The following PPP2R2B variants were observed in gnomAD, a reference collection of about 807,000 sequenced individuals.
PPP2R2B encodes the protein protein phosphatase 2 regulatory subunit Bbeta, also known as serine/threonine-protein phosphatase 2A 55 kDa regulatory subunit B beta isoform.
PPP2R2B carries 5 observed loss-of-function variants against 46.0 expected under a neutral mutation model. The observed-to-expected ratio is 0.11, with a 90% CI of 0.06 to 0.23. The LOEUF (loss-of-function observed/expected upper bound fraction) is 0.23. PPP2R2B is among the 10% of genes least tolerant of loss of function. The pLI, the probability that PPP2R2B is intolerant of heterozygous loss-of-function variation, is 1.00. For missense variants in PPP2R2B, 367 were observed against 575.0 expected, an observed-to-expected ratio of 0.64 and a Z score of 3.70; for synonymous variants, 215 against 206.7, an observed-to-expected ratio of 1.04 and a Z score of -0.34.
At chr5:146,768,988 C>T (rs757569694) in intron 2 of PPP2R2B, among the ~76,000 whole-genome samples, 4 of 151,984 alleles carry the variant, frequency 2.6e-5, no homozygotes, top group Non-Finnish European at 5.9e-5. Context: ...AGTGATTCTC[C>T]TGCCTCAGCC....
chr5:146,658,850 T>C (rs1776511925), intron 5 of PPP2R2B, among the ~76,000 whole-genome samples: 1 of 152,222 alleles, frequency 6.6e-6, no homozygotes, highest in Non-Finnish European at 1.5e-5. Context: ...ATGAGATGCA[T>C]TTCTAATAAA....
intron 2 of PPP2R2B, among the ~76,000 whole-genome samples, chr5:146,752,318 C>T (rs935162399): frequency 6.6e-6 from 1 of 152,104 alleles, no homozygotes. Flanking sequence ...AAAGCAGTGC[C>T]TGTAACATCA....
At chr5:146,717,827 T>C (rs967167353) in intron 2 of PPP2R2B, among the ~76,000 whole-genome samples, 2 of 152,170 alleles carry the variant, frequency 1.3e-5, no homozygotes, top group Non-Finnish European at 2.9e-5. Flanking sequence ...TGGGGAAACA[T>C]GCTTTGCCTA....
chr5:146,952,368 T>C (rs1229566013), intron 1 of PPP2R2B, among the ~76,000 whole-genome samples: 1 of 152,194 alleles, frequency 6.6e-6, no homozygotes, highest in East Asian at 1.9e-4. Context: ...TTTCCATCAC[T>C]GTGTGTGATC....
chr5:146,753,293 G>T (rs1234243409), intron 2 of PPP2R2B, among the ~76,000 whole-genome samples: 1 of 152,140 alleles, frequency 6.6e-6, no homozygotes, highest in Admixed American at 6.5e-5. Context: ...AAAATACTTG[G>T]TAATAATTAT....
chr5:146,977,228 A>G (rs1399308809), intron 1 of PPP2R2B, among the ~76,000 whole-genome samples: 1 of 151,762 alleles, frequency 6.6e-6, no homozygotes, highest in African/African-American at 2.4e-5. Context: ...TACTTTAATA[A>G]CCTCTTTTTC....
chr5:147,040,536 T>C (rs1014045724), intron 1 of PPP2R2B, among the ~76,000 whole-genome samples: 2 of 151,954 alleles, frequency 1.3e-5, no homozygotes, highest in Non-Finnish European at 2.9e-5. Context: ...ACTGGAGAAA[T>C]TGTAGGAGAA....
intron 1 of PPP2R2B, among the ~76,000 whole-genome samples, chr5:146,960,159 C>T (rs562032745): frequency 6.6e-6 from 1 of 152,138 alleles, no homozygotes; most frequent in Non-Finnish European, 1.5e-5. Flanking sequence ...GACTATAATT[C>T]TCCCTCCTAG....
chr5:146,748,658 T>C (rs935379977), intron 2 of PPP2R2B, among the ~76,000 whole-genome samples: 4 of 152,236 alleles, frequency 2.6e-5, no homozygotes, highest in African/African-American at 7.2e-5. Context: ...GGCTTTTTTT[T>C]CCCTCAATAT....
chr5:146,899,829 C>T (rs954868118), intron 1 of PPP2R2B, among the ~76,000 whole-genome samples: 1 of 151,916 alleles, frequency 6.6e-6, no homozygotes, highest in East Asian at 1.9e-4. Context: ...TAAAAGGAGC[C>T]CTTTGTATAC....
rs955958304 is a variant in PPP2R2B at position 146,856,677 on chromosome 5, A to G, written c.70+21325T>C. 3 of 823,068 alleles carry G rather than the reference A, an allele frequency of 3.6e-6. No individual in the cohort carries two copies. In the African/African-American group the frequency reaches 5.1e-5, roughly 14 times the overall value. 51.0% of individuals were successfully genotyped at this position (823,068 alleles called of 1,614,324 possible). On this transcript the variant is annotated intron_variant, in intron 2 of 9. Coordinates refer to ENST00000394411, the MANE Select transcript of PPP2R2B (RefSeq NM_181675.4). ...AGGTGCATTTACATACTTTCCACAT[A>G]CCCCCTACCATCTCTTTGGGAGAGT...
intron 2 of PPP2R2B, among the ~76,000 whole-genome samples, chr5:146,726,498 G>A (rs1183017310): frequency 6.6e-6 from 1 of 152,124 alleles, no homozygotes; most frequent in Non-Finnish European, 1.5e-5. Flanking sequence ...CAACCCATTA[G>A]GCACACTTCT....
chr5:146,726,188 C>A (rs1751850539), intron 2 of PPP2R2B, among the ~76,000 whole-genome samples: 1 of 152,100 alleles, frequency 6.6e-6, no homozygotes, highest in Admixed American at 6.5e-5. Context: ...CCTTCTCCAC[C>A]ACTGCATCCC....
intron 2 of PPP2R2B, among the ~76,000 whole-genome samples, chr5:147,067,078 C>T (rs972954969): frequency 7.2e-5 from 11 of 152,108 alleles, no homozygotes; most frequent in Non-Finnish European, 1.3e-4. Flanking sequence ...AAAAAGTTGT[C>T]TACATTTACG....
rs551041590 is a variant in PPP2R2B at position 146,692,855 on chromosome 5, C to A, written c.335-1615G>T. Among the ~76,000 whole-genome samples, 8 of 152,200 alleles carry A rather than the reference C, an allele frequency of 5.3e-5. No homozygotes were observed. The South Asian group carries it at 1.5e-3, about 28-fold the overall frequency. On this transcript the variant is annotated intron_variant, in intron 4 of 9. Coordinates refer to ENST00000394411, the MANE Select transcript of PPP2R2B (RefSeq NM_181675.4). ...GGCCTAATTCAATTATTTAAGGAGA[C>A]AAGATCAGGCAAACAAATCATGTCT...
intron 1 of PPP2R2B, among the ~76,000 whole-genome samples, chr5:146,903,445 G>T (rs1469155213): frequency 3.5e-5 from 5 of 143,566 alleles, no homozygotes; most frequent in Admixed American, 2.9e-4. Flanking sequence ...GCCCAGGCTA[G>T]AGTGCAGTGG....
At position 146,582,347 on chromosome 5, in the gene PPP2R2B, T is replaced by G. The variant is rs1289842325; in HGVS notation, c.*7600A>C. The G allele has an allele frequency of 6.6e-6, 1 of 152,234 alleles. No homozygotes were observed. Among genetic ancestry groups the G allele is most frequent in the Non-Finnish European group, 1.5e-5 (1 of 68,048 alleles). 9.4% of individuals were successfully genotyped at this position (152,234 alleles called of 1,614,324 possible). A position where few individuals can be genotyped will look rare whatever the true frequency, so the allele number is the denominator to read the frequency against. ...GTGATAATGTTGCTTCCTGCATCAG[T>G]GAACATGGTATTGATTGTAAGCTGT... is the stretch of plus-strand genomic sequence containing the variant. On this transcript the variant is annotated 3_prime_UTR_variant, in exon 10 of 10. Coordinates refer to ENST00000394411, the MANE Select transcript of PPP2R2B (RefSeq NM_181675.4).
At chr5:146,769,660 C>T (rs1350450452) in intron 2 of PPP2R2B, among the ~76,000 whole-genome samples, 2 of 152,122 alleles carry the variant, frequency 1.3e-5, no homozygotes, top group Non-Finnish European at 2.9e-5. Flanking sequence ...CTTCAATTGC[C>T]GTGAACCACC....
chr5:146,751,671 G>A (rs1239287812), intron 2 of PPP2R2B: 13 of 152,204 alleles, frequency 8.5e-5, no homozygotes, highest in Admixed American at 8.5e-4. Flanking sequence ...TCTAATGGAG[G>A]AGGAAGACAC....
Sources: gnomAD v4.1 joint callset for allele counts (sites outside exome capture counted in the v4.1 genomes callset) on GRCh38, gnomAD v4.1.1 for gene constraint, MANE v1.5 for transcripts, NCBI Gene and HGNC (gene_info 2026-07-23, HGNC 2026-07-21) for gene names.